Variants in EEPD1 observed in about 807,000 individuals in gnomAD.
EEPD1 encodes the protein endonuclease/exonuclease/phosphatase family domain-containing protein 1.
Under a neutral mutation model 46.3 loss-of-function variants are expected in EEPD1, and 17 were observed. The ratio of observed to expected loss-of-function variants is 0.37; its 90% CI spans 0.25 to 0.55. The LOEUF (loss-of-function observed/expected upper bound fraction) is 0.55. EEPD1 is among the 20% of genes least tolerant of loss of function. The pLI is 0.83. For synonymous variants in EEPD1, 313 were observed against 315.6 expected (o/e 0.99, Z 0.09); for missense variants, 673 against 745.6 (o/e 0.90, Z 1.13).
chr7:36,203,655 G>A (rs1785758692), intron 2 of EEPD1, among the ~76,000 whole-genome samples: 1 of 152,208 alleles, frequency 6.6e-6, no homozygotes, highest in South Asian at 2.1e-4. Context: ...ACCCTTGTCT[G>A]CAGGAGCTAA....
chr7:36,275,083 CATT>C (rs1787163742), intron 3 of EEPD1, among the ~76,000 whole-genome samples: 1 of 152,192 alleles, frequency 6.6e-6, no homozygotes, highest in Admixed American at 6.5e-5. Flanking sequence ...TTGCAAAACT[CATT>C]GTCAAAGGGA....
intron 3 of EEPD1, among the ~76,000 whole-genome samples, chr7:36,246,136 A>G (rs925866574): frequency 6.6e-6 from 1 of 152,208 alleles, no homozygotes; most frequent in Admixed American, 6.5e-5. Flanking sequence ...GGCTGACCCA[A>G]CCTGAGACCA....
intron 2 of EEPD1, among the ~76,000 whole-genome samples, chr7:36,217,458 G>C (rs1474862770): frequency 6.6e-6 from 1 of 152,232 alleles, no homozygotes; most frequent in Non-Finnish European, 1.5e-5. Context: ...GGTTGGGCCA[G>C]CTTCTTTACT....
chr7:36,282,131 C>T (rs1400911225), intron 4 of EEPD1, among the ~76,000 whole-genome samples: 3 of 152,218 alleles, frequency 2.0e-5, no homozygotes. Context: ...AGTGAGTCAG[C>T]ACACATTCAG....
At chr7:36,211,641 G>A (rs1257572012) in intron 2 of EEPD1, among the ~76,000 whole-genome samples, 1 of 152,074 alleles carries the variant, frequency 6.6e-6, no homozygotes, top group African/African-American at 2.4e-5. Flanking sequence ...ATTACCTTTT[G>A]TGGCTGGGCG....
rs1480364837 is a variant in EEPD1 at position 36,300,674 on chromosome 7, G to A, written c.*1468G>A. On this transcript the variant is annotated 3_prime_UTR_variant, in exon 8 of 8. Transcript: ENST00000242108. ...TAAACCCAGTGGCTTCTCTGACCTG[G>A]AGCTGATGGGCCGTGAAGGGGGCCT... 6.6e-6 allele frequency: 1 copy of A among 152,182 alleles called. No homozygotes were observed. Among genetic ancestry groups the A allele is most frequent in the Non-Finnish European group, 1.5e-5 (1 of 68,036 alleles). 9.4% of individuals were successfully genotyped at this position (152,182 alleles called of 1,614,324 possible). A position where few individuals can be genotyped will look rare whatever the true frequency, so the allele number is the denominator to read the frequency against.
intron 2 of EEPD1, among the ~76,000 whole-genome samples, chr7:36,224,193 T>C (rs1178149414): frequency 6.6e-6 from 1 of 152,186 alleles, no homozygotes; most frequent in Non-Finnish European, 1.5e-5. Flanking sequence ...TATGGAAGTG[T>C]TTCCTAGTCT....
At chr7:36,291,812 G>C in intron 6 of EEPD1, among the ~76,000 whole-genome samples, 1 of 152,314 alleles carries the variant, frequency 6.6e-6, no homozygotes, top group East Asian at 1.9e-4. Flanking sequence ...TCCTTCACAA[G>C]GTGTGGCAGA....
Position 36,210,114 on chromosome 7 carries a change from G to A in EEPD1, c.879-28871G>A, listed in dbSNP as rs1351119076. On this transcript the variant is annotated intron_variant, in intron 2 of 7. Transcript: ENST00000242108. ...CTGGAGATGAGGTGGTGGGTGGGTA[G>A]GGGAAGTGGAGGGAAGGCAGGACCC... is the stretch of plus-strand genomic sequence containing the variant. 2.0e-5 allele frequency among the ~76,000 whole-genome samples: 3 copies of A among 152,274 alleles called. No homozygotes were observed. The East Asian group carries it at 5.8e-4, about 29-fold the overall frequency.
intron 6 of EEPD1, among the ~76,000 whole-genome samples, chr7:36,292,668 C>T (rs994549400): frequency 6.6e-5 from 10 of 152,092 alleles, no homozygotes; most frequent in African/African-American, 1.7e-4. Flanking sequence ...CCACTATGCC[C>T]AGCTGATTTT....
rs796338154 is a variant in EEPD1 at position 36,219,586 on chromosome 7, A to AG, written c.879-19399_879-19398insG. On this transcript the variant is annotated intron_variant, in intron 2 of 7. Coordinates refer to ENST00000242108, the MANE Select transcript of EEPD1 (RefSeq NM_030636.3). The stretch of plus-strand genomic sequence containing the variant: ...GGAGGGGAGAGAGAAGGAAAGAAGA[A>AG]AAGAAGAAGAAGGAGGAAGAGGAAG... Among the ~76,000 whole-genome samples the AG allele has an allele frequency of 8.1e-3, 1,202 of 148,184 alleles. 16 individuals are homozygous for AG. Among genetic ancestry groups the AG allele is most frequent in the African/African-American group, 0.028 (1,134 of 39,812 alleles).
At position 36,299,319 on chromosome 7, in the gene EEPD1, A is replaced by G; in HGVS notation, c.*113A>G. On this transcript the variant is annotated 3_prime_UTR_variant, in exon 8 of 8. Coordinates refer to ENST00000242108, the MANE Select transcript of EEPD1 (RefSeq NM_030636.3). ...GCCTTTTAATTTTTATTCTCAGAGC[A>G]TCAGCACTTGAGGCCTTGCCCCACG... is the stretch of plus-strand genomic sequence containing the variant. 7.8e-7 allele frequency: 1 copy of G among 1,286,210 alleles called. No homozygotes were observed. The highest frequency in any genetic ancestry group is 2.3e-4 in the Middle Eastern group (1 of 4,436). The allele number at this position is 1,286,210 out of a possible 1,614,324, so 79.7% of individuals were successfully genotyped here.
chr7:36,219,934 A>C (rs1786115386), intron 2 of EEPD1, among the ~76,000 whole-genome samples: 1 of 152,028 alleles, frequency 6.6e-6, no homozygotes, highest in Non-Finnish European at 1.5e-5. Flanking sequence ...AAGGAAAGGT[A>C]GGAAAATCAG....
intron 3 of EEPD1, among the ~76,000 whole-genome samples, chr7:36,263,900 G>A (rs147358691): frequency 2.6e-5 from 4 of 152,342 alleles, no homozygotes; most frequent in African/African-American, 4.8e-5. Context: ...ATACATTTGC[G>A]AGTAAGAGGG....
chr7:36,277,306 G>T (rs1473484524), intron 3 of EEPD1, among the ~76,000 whole-genome samples: 1 of 152,204 alleles, frequency 6.6e-6, no homozygotes, highest in Non-Finnish European at 1.5e-5. Context: ...ACCTTTCTGT[G>T]CAGCACTGTA....
intron 2 of EEPD1, among the ~76,000 whole-genome samples, chr7:36,196,263 G>T (rs1785580918): frequency 6.6e-6 from 1 of 151,638 alleles, no homozygotes; most frequent in African/African-American, 2.4e-5. Flanking sequence ...CACTCCTGTA[G>T]ATTTTATAAA....
At chr7:36,219,806 A>AGAGAGTGTGTGTGTGTGT (rs1341203087) in intron 2 of EEPD1, among the ~76,000 whole-genome samples, 2 of 75,400 alleles carry the variant, frequency 2.7e-5, no homozygotes, top group African/African-American at 9.1e-5. Context: ...AGAGAGAGAG[A>AGAGAGTGTGTGTGTGTGT]GTGTGTGTGT....
intron 2 of EEPD1, among the ~76,000 whole-genome samples, chr7:36,182,586 A>G (rs1368231718): frequency 2.6e-5 from 4 of 152,166 alleles, no homozygotes; most frequent in Non-Finnish European, 2.9e-5. Context: ...ACACCAAACC[A>G]CTCGCCAGCG....
chr7:36,162,182 C>G (rs1165117932), intron 2 of EEPD1, among the ~76,000 whole-genome samples: 1 of 152,234 alleles, frequency 6.6e-6, no homozygotes, highest in Admixed American at 6.5e-5. Context: ...CTTCCTCACC[C>G]TCCTTCTCAT....
Sources: allele counts gnomAD v4.1 joint callset (sites outside exome capture counted in the v4.1 genomes callset), GRCh38; gene constraint gnomAD v4.1.1; transcripts MANE v1.5; gene names NCBI Gene and HGNC (gene_info 2026-07-23, HGNC 2026-07-21).